The following NLRC5 variants were observed in gnomAD, a reference collection of about 807,000 sequenced individuals.
NLRC5 encodes NLR family CARD domain containing 5.
A neutral mutation model predicts 206.9 loss-of-function variants in NLRC5; 114 were observed. That is an observed-to-expected ratio of 0.55 (90% CI 0.47 to 0.64). NLRC5 has a LOEUF of 0.64. NLRC5 is among the 30% of genes least tolerant of loss of function. NLRC5 has a pLI of 0.00. For missense variants in NLRC5, 2,008 were observed against 2,305.5 expected (o/e 0.87, Z 2.64); for synonymous variants, 952 against 962.8 (o/e 0.99, Z 0.21).
In NLRC5 at chr16:57,026,978, C is replaced by T. The variant is rs757868000; in HGVS notation, c.2035C>T (p.Pro679Ser). 2 of 1,614,142 alleles carry T rather than the reference C, an allele frequency of 1.2e-6. No homozygotes were observed. Among genetic ancestry groups the T allele is most frequent in the East Asian group, 2.2e-5 (1 of 44,886 alleles). Reference sequence around the variant, plus strand: ...TGGCTGTCCCCTGGAGCCCCACTGCCCTGAGGCTCTGGTAGGCTGTGGGCA... The same window carrying T: ...TGGCTGTCCCCTGGAGCCCCACTGCTCTGAGGCTCTGGTAGGCTGTGGGCA... ...FDGCPLEPHC[P>S]EALVGCGQIE... Residue 679 changes from proline (P) to serine (S), a missense_variant, in exon 6 of 49, where the codon CCT becomes TCT. Coordinates refer to ENST00000688547, the MANE Select transcript of NLRC5 (RefSeq NM_001384950.1).
Position 57,051,587 on chromosome 16 carries a change from T to C in NLRC5, c.3472T>C (p.Cys1158Arg). 6.2e-7 allele frequency: 1 copy of C among 1,614,140 alleles called. No individual in the cohort carries two copies. Among genetic ancestry groups the C allele is most frequent in the East Asian group, 2.2e-5 (1 of 44,882 alleles). Reference protein sequence around the residue: ...SDQSLETLLDCLPQLPQLSLL... With the variant: ...SDQSLETLLDRLPQLPQLSLL... ...CCAGAGCCTGGAGACTCTACTGGAC[T>C]GCTTACCTCAACTCCCTCAGCTGAG... Residue 1158 changes from cysteine to arginine, a missense_variant, in exon 24 of 49, where the codon TGC (cysteine) becomes CGC (arginine). Cys to Arg is a radical substitution (Grantham distance 180). Transcript: ENST00000688547.
chr16:57,022,182 G>A (rs1418251713), intron 3 of NLRC5, 74 bp from the exon 4 acceptor site: 1 of 1,320,884 alleles, frequency 7.6e-7, no homozygotes, highest in Non-Finnish European at 1.1e-6. Flanking sequence ...CCCTGAGCCA[G>A]GCGCCAGGCC....
At chr16:57,016,852 G>A (rs1022617325) in intron 1 of NLRC5, among the ~76,000 whole-genome samples, 1 of 152,186 alleles carries the variant, frequency 6.6e-6, no homozygotes, top group Admixed American at 6.5e-5. Flanking sequence ...GGTGTGGCAG[G>A]AGGTGACATC....
intron 1 of NLRC5, among the ~76,000 whole-genome samples, chr16:56,990,350 C>T (rs1304566388): frequency 1.3e-4 from 20 of 152,248 alleles, no homozygotes; most frequent in Non-Finnish European, 2.8e-4. Flanking sequence ...CACCAGCATA[C>T]TACAAACATT....
rs762503616 is a variant in NLRC5 at position 57,061,461 on chromosome 16, A to T, written c.4000A>T (p.Ser1334Cys). 3 of 1,611,488 alleles carry T rather than the reference A, an allele frequency of 1.9e-6. No homozygotes were observed. Among genetic ancestry groups the T allele is most frequent in the Non-Finnish European group, 2.5e-6 (3 of 1,180,014 alleles). The change falls in exon 31 of 49, where the codon AGC becomes TGC. Residue 1334 changes from serine (S) to cysteine (C), a missense_variant. Coordinates refer to ENST00000688547, the MANE Select transcript of NLRC5 (RefSeq NM_001384950.1). Reference sequence around the variant, plus strand: ...TTCTGCCCTCAGGCTAAGTGAGTGCAGCTTCCGGCCAGAGCACGTGTCCAG... The same window carrying T: ...TTCTGCCCTCAGGCTAAGTGAGTGCTGCTTCCGGCCAGAGCACGTGTCCAG... ...AGKTLRLSEC[S>C]FRPEHVSRLA...
chr16:57,000,418 A>G (rs2058110082), intron 1 of NLRC5, among the ~76,000 whole-genome samples: 1 of 152,168 alleles, frequency 6.6e-6, no homozygotes, highest in Non-Finnish European at 1.5e-5. Flanking sequence ...TGGGTTTCCA[A>G]TGACCAGAAG....
At chr16:57,030,802 T>A (rs1026054762) in intron 10 of NLRC5, among the ~76,000 whole-genome samples, 1 of 152,176 alleles carries the variant, frequency 6.6e-6, no homozygotes, top group Admixed American at 6.5e-5. Flanking sequence ...TTCTTACTCA[T>A]AAAAATTTCT....
intron 38 of NLRC5, among the ~76,000 whole-genome samples, chr16:57,072,709 A>AAAAATACACAGTGGCTAT (rs142245442): frequency 0.66 from 99,651 of 151,680 alleles, 32,800 homozygotes; most frequent in South Asian, 0.71. Context: ...TCTGATGACC[A>AAAAATACACAGTGGCTAT]AAAAAGTTCC....
At position 57,037,263 on chromosome 16, in the gene NLRC5, C is replaced by G; in HGVS notation, c.2780C>G (p.Thr927Ser). 1 of 1,613,502 alleles carries G rather than the reference C, an allele frequency of 6.2e-7. No individual in the cohort carries two copies. The highest frequency in any genetic ancestry group is 8.5e-7 in the Non-Finnish European group (1 of 1,179,962). Reference protein sequence around the residue: ...CVLRAVSACWTLAELHISLQH... With the variant: ...CVLRAVSACWSLAELHISLQH... The stretch of plus-strand genomic sequence containing the variant: ...CTGAGGGCCGTGAGTGCGTGCTGGA[C>G]CCTGGCAGAGCTGCACATCAGGTGG... Residue 927 changes from threonine (T) to serine (S), a missense_variant, in exon 15 of 49, where the codon ACC (threonine) becomes AGC (serine). Coordinates refer to ENST00000688547, the MANE Select transcript of NLRC5 (RefSeq NM_001384950.1).
At chr16:57,037,064 C>A in intron 14 of NLRC5, 131 bp from the exon 15 acceptor site, 3 of 758,126 alleles carry the variant, frequency 4.0e-6, no homozygotes, top group East Asian at 2.5e-5. Flanking sequence ...CTTTGAGATC[C>A]CCTGGCAAGG....
intron 19 of NLRC5, among the ~76,000 whole-genome samples, chr16:57,042,835 C>T (rs1395760425): frequency 6.6e-6 from 1 of 152,168 alleles, no homozygotes; most frequent in Non-Finnish European, 1.5e-5. Flanking sequence ...CTAAGGACCC[C>T]CTGCTCACAC....
At chr16:57,034,645 G>C (rs2062298904) in intron 13 of NLRC5, 1 of 162,352 alleles carries the variant, frequency 6.2e-6, no homozygotes, top group East Asian at 1.8e-4. Flanking sequence ...CTCTTGCTGA[G>C]ATCTGCCAAG....
At chr16:57,004,886 T>C (rs2142400243) in intron 1 of NLRC5, among the ~76,000 whole-genome samples, 1 of 152,222 alleles carries the variant, frequency 6.6e-6, no homozygotes, top group South Asian at 2.1e-4. Flanking sequence ...CTCCTCAGAC[T>C]CAGAGCCCCC....
At chr16:56,996,516 T>C (rs1406331786) in intron 1 of NLRC5, among the ~76,000 whole-genome samples, 1 of 152,146 alleles carries the variant, frequency 6.6e-6, no homozygotes, top group Non-Finnish European at 1.5e-5. Context: ...TACCTTCAGT[T>C]CGTGGCAAGT....
At chr16:57,030,595 G>A (rs145829500) in intron 10 of NLRC5, among the ~76,000 whole-genome samples, 149 of 150,768 alleles carry the variant, frequency 9.9e-4, no homozygotes, top group Non-Finnish European at 2.0e-3. Context: ...TAGCTGAAAA[G>A]ATGGATAGGT....
intron 23 of NLRC5, among the ~76,000 whole-genome samples, chr16:57,050,224 A>G (rs1004196354): frequency 6.6e-6 from 1 of 152,154 alleles, no homozygotes; most frequent in Admixed American, 6.5e-5. Context: ...CCCTCAATAA[A>G]GGCCCCAGTC....
intron 32 of NLRC5, 108 bp downstream of exon 32, chr16:57,061,809 C>T: frequency 1.3e-6 from 2 of 1,540,300 alleles, no homozygotes; most frequent in South Asian, 2.4e-5. Flanking sequence ...ATTTCCTGTA[C>T]CCACAACCCT....
At chr16:57,010,113 G>A (rs1467463124) in intron 1 of NLRC5, among the ~76,000 whole-genome samples, 2 of 152,174 alleles carry the variant, frequency 1.3e-5, no homozygotes, top group Non-Finnish European at 2.9e-5. Flanking sequence ...AAGGTGGTCT[G>A]GGGAGCAGTT....
At chr16:57,068,516 C>G (rs1005419962) in intron 36 of NLRC5, among the ~76,000 whole-genome samples, 1 of 151,998 alleles carries the variant, frequency 6.6e-6, no homozygotes, top group African/African-American at 2.4e-5. Context: ...TCTTTCCCAC[C>G]TCCCTTTTCT....
Sources: allele counts gnomAD v4.1 joint callset (sites outside exome capture counted in the v4.1 genomes callset), GRCh38; gene constraint gnomAD v4.1.1; transcripts MANE v1.5; gene names NCBI Gene and HGNC (gene_info 2026-07-23, HGNC 2026-07-21).